PBX1: variants seen among roughly 807,000 people sequenced by gnomAD.
PBX1 encodes the protein PBX homeobox 1.
PBX1 carries 6 observed loss-of-function variants against 53.4 expected under a neutral mutation model. That is an observed-to-expected ratio of 0.11 (90% CI 0.06 to 0.22). The LOEUF (loss-of-function observed/expected upper bound fraction) is 0.22, where lower values mean the gene tolerates loss of function less well. Ranked by LOEUF, PBX1 falls within the 10% of genes least tolerant of loss-of-function variation. PBX1 has a pLI of 1.00. For missense variants in PBX1, 251 were observed against 551.4 expected (o/e 0.46, Z 5.46); for synonymous variants, 204 against 212.3 (o/e 0.96, Z 0.34).
Position 164,849,477 on chromosome 1 carries a change from A to C in PBX1, c.*2801A>C. The stretch of plus-strand genomic sequence containing the variant: ...GGTTTGGAAAGAGCATGCCTCTGGA[A>C]ACACAGCTTCCTGGGAATTCACATG... On this transcript the variant is annotated 3_prime_UTR_variant, in exon 9 of 9. Transcript: ENST00000420696. The C allele has an allele frequency of 6.5e-7, 1 of 1,531,900 alleles. No individual in the cohort carries two copies. The highest frequency in any genetic ancestry group is 1.2e-5 in the South Asian group (1 of 83,712). The allele number at this position is 1,531,900 out of a possible 1,614,324, so 94.9% of individuals were successfully genotyped here.
intron 2 of PBX1, among the ~76,000 whole-genome samples, chr1:164,726,762 T>G (rs1014071059): frequency 3.3e-5 from 5 of 152,128 alleles, no homozygotes; most frequent in African/African-American, 1.2e-4. Context: ...GTGAAACAAT[T>G]TTACAGTTCT....
At chr1:164,790,730 T>C (rs1051801219) in intron 2 of PBX1, among the ~76,000 whole-genome samples, 12 of 152,262 alleles carry the variant, frequency 7.9e-5, no homozygotes, top group Non-Finnish European at 1.6e-4. Context: ...GATTTCCTTC[T>C]GAACAACGTT....
At chr1:164,801,109 G>A (rs1274770949) in intron 4 of PBX1, among the ~76,000 whole-genome samples, 1 of 152,126 alleles carries the variant, frequency 6.6e-6, no homozygotes, top group East Asian at 1.9e-4. Context: ...ACATGAGAAT[G>A]CCGGCTAGCA....
In PBX1 at chr1:164,676,729, G is replaced by A. The variant is rs549988415; in HGVS notation, c.265+113418G>A. ...ACTATTTAACTGTCCTGCTTCATAC[G>A]CATTAATGTCCTTGTTGCTGTTTTC... On this transcript the variant is annotated intron_variant, in intron 2 of 8. Coordinates refer to ENST00000420696, the MANE Select transcript of PBX1 (RefSeq NM_002585.4). Among the ~76,000 whole-genome samples the A allele has an allele frequency of 1.3e-3, 202 of 152,236 alleles. 1 individual carries two copies. The highest frequency in any genetic ancestry group is 2.3e-3 in the Non-Finnish European group (156 of 68,008).
At chr1:164,611,208 C>CT (rs1406775159) in intron 2 of PBX1, among the ~76,000 whole-genome samples, 18 of 152,032 alleles carry the variant, frequency 1.2e-4, no homozygotes, top group Admixed American at 2.6e-4. Context: ...GTTTTTCTCT[C>CT]TAACTTTGGG....
chr1:164,840,447 G>A (rs12137010), intron 8 of PBX1, among the ~76,000 whole-genome samples: 9,944 of 152,248 alleles, frequency 0.065, 345 homozygotes, highest in African/African-American at 0.087. Flanking sequence ...ACACCAGAGA[G>A]AGAAAAGATA....
intron 2 of PBX1, among the ~76,000 whole-genome samples, chr1:164,862,032 T>C (rs1200533085): frequency 6.6e-6 from 1 of 152,176 alleles, no homozygotes; most frequent in African/African-American, 2.4e-5. Context: ...CTGGAGGCCT[T>C]GGAATGTTTG....
chr1:164,662,456 G>A (rs1660543495), intron 2 of PBX1, among the ~76,000 whole-genome samples: 1 of 152,204 alleles, frequency 6.6e-6, no homozygotes, highest in Non-Finnish European at 1.5e-5. Context: ...GCTGTGGGAA[G>A]CCCCAGTGCA....
intron 2 of PBX1, among the ~76,000 whole-genome samples, chr1:164,677,742 G>A (rs1442032767): frequency 6.6e-6 from 1 of 152,030 alleles, no homozygotes; most frequent in Non-Finnish European, 1.5e-5. Context: ...ACATGGTGTA[G>A]TAAGAGGGGA....
At chr1:164,579,226 T>C (rs193211397) in intron 2 of PBX1, among the ~76,000 whole-genome samples, 115 of 152,352 alleles carry the variant, frequency 7.5e-4, no homozygotes, top group African/African-American at 2.6e-3. Flanking sequence ...TGCACATATA[T>C]GTTTATACCC....
chr1:164,731,858 C>G (rs1382206167), intron 2 of PBX1, among the ~76,000 whole-genome samples: 1 of 152,190 alleles, frequency 6.6e-6, no homozygotes, highest in Non-Finnish European at 1.5e-5. Context: ...CTGCAGGTCT[C>G]TATGTATCGC....
chr1:164,783,553 T>C (rs1233660607), intron 2 of PBX1, among the ~76,000 whole-genome samples: 8 of 152,236 alleles, frequency 5.3e-5, no homozygotes, highest in African/African-American at 1.4e-4. Flanking sequence ...ATCAGTGAGA[T>C]TGATTCAGAT....
At chr1:164,561,782 G>C (rs1653067483) in intron 1 of PBX1, among the ~76,000 whole-genome samples, 1 of 152,068 alleles carries the variant, frequency 6.6e-6, no homozygotes, top group African/African-American at 2.4e-5. Flanking sequence ...GAAATTTTCA[G>C]TTCTTCCTCT....
chr1:164,671,905 C>A (rs893701650), intron 2 of PBX1, among the ~76,000 whole-genome samples: 1 of 152,118 alleles, frequency 6.6e-6, no homozygotes, highest in South Asian at 2.1e-4. Flanking sequence ...CCTTTCTTCT[C>A]CAGACCCTCT....
rs6143458 is a variant in PBX1 at position 164,562,452 on chromosome 1, T to TACACACACACACACACACAC, written c.192-763_192-744dup. On this transcript the variant is annotated intron_variant, in intron 1 of 8. Transcript: ENST00000420696. Reference sequence around the variant, plus strand: ...TTTTGTTCCTCAAGTGCATTCAGAATACACACACACACACACACACACACA... The same window carrying TACACACACACACACACACAC: ...TTTTGTTCCTCAAGTGCATTCAGAATACACACACACACACACACACACACACACACACACACACACACACA... 1.2e-3 allele frequency among the ~76,000 whole-genome samples: 170 copies of TACACACACACACACACACAC among 143,398 alleles called. 1 individual carries two copies. In the East Asian group the frequency reaches 0.017, roughly 14 times the overall value. The allele number at this position is 143,398 out of a possible 152,430, so 94.1% of individuals were successfully genotyped here.
chr1:164,739,466 C>T (rs1571316847), intron 2 of PBX1, among the ~76,000 whole-genome samples: 2 of 152,114 alleles, frequency 1.3e-5, no homozygotes, highest in Admixed American at 6.5e-5. Context: ...TGCTATTGAG[C>T]GGCTTCCCTA....
intron 2 of PBX1, among the ~76,000 whole-genome samples, chr1:164,648,501 C>T (rs985020983): frequency 3.3e-5 from 5 of 152,176 alleles, no homozygotes; most frequent in East Asian, 3.9e-4. Context: ...TTTACTTGCA[C>T]GCAGCAGAGA....
chr1:164,655,101 T>TG lies in PBX1; in HGVS notation c.265+91790_265+91791insG, dbSNP rs1491578393. Among the ~76,000 whole-genome samples the TG allele has an allele frequency of 9.6e-3, 7 of 728 alleles. No homozygotes were observed. In the South Asian group the frequency reaches 0.38, roughly 39 times the overall value. 0.5% of individuals were successfully genotyped at this position (728 alleles called of 152,430 possible). ...TCTCTTCCCCAGTCTCTGATGTGTG[T>TG]TTTTTTTTTTTTTTTATTTTTATTT... On this transcript the variant is annotated intron_variant, in intron 2 of 8. Transcript: ENST00000420696.
chr1:164,721,213 T>G (rs1190809186), intron 2 of PBX1, among the ~76,000 whole-genome samples: 1 of 152,214 alleles, frequency 6.6e-6, no homozygotes, highest in Non-Finnish European at 1.5e-5. Flanking sequence ...CTAGTCATGC[T>G]TTGTGGTGGA....
Sources: gnomAD v4.1 joint callset for allele counts (sites outside exome capture counted in the v4.1 genomes callset) on GRCh38, gnomAD v4.1.1 for gene constraint, MANE v1.5 for transcripts, NCBI Gene and HGNC (gene_info 2026-07-23, HGNC 2026-07-21) for gene names.